C8orf34: variants seen among roughly 807,000 people sequenced by gnomAD.
The protein encoded by C8orf34 is uncharacterized protein C8orf34.
A neutral mutation model predicts 68.3 loss-of-function variants in C8orf34; 65 were observed. The observed-to-expected ratio is 0.95, with a 90% CI of 0.78 to 1.17. The LOEUF is 1.17. C8orf34 is among the 50% of genes most tolerant of loss of function. C8orf34 has a pLI of 0.00. For missense variants in C8orf34, 664 were observed against 655.4 expected, an observed-to-expected ratio of 1.01 and a Z score of -0.14; for synonymous variants, 244 against 241.2, an observed-to-expected ratio of 1.01 and a Z score of -0.11.
At chr8:68,762,079 A>T (rs1823040083) in intron 10 of C8orf34, among the ~76,000 whole-genome samples, 1 of 152,172 alleles carries the variant, frequency 6.6e-6, no homozygotes, top group African/African-American at 2.4e-5. Flanking sequence ...GCATAATTGC[A>T]TGTGGTGGCC....
intron 1 of C8orf34, among the ~76,000 whole-genome samples, chr8:68,369,864 G>A (rs1190964101): frequency 6.6e-6 from 1 of 152,200 alleles, no homozygotes; most frequent in African/African-American, 2.4e-5. Flanking sequence ...ATCTACTGGA[G>A]CATAAGGGTT....
At chr8:68,395,100 A>T (rs1808638035) in intron 1 of C8orf34, among the ~76,000 whole-genome samples, 1 of 152,202 alleles carries the variant, frequency 6.6e-6, no homozygotes, top group Middle Eastern at 3.4e-3. Context: ...ACATTCCTAA[A>T]TGTCAAATAT....
In C8orf34 at chr8:68,471,230, T is replaced by A. The variant is rs548078041; in HGVS notation, c.736+2410T>A. Among the ~76,000 whole-genome samples the A allele has an allele frequency of 3.3e-5, 5 of 152,254 alleles. No homozygotes were observed. The South Asian group carries it at 1.0e-3, about 32-fold the overall frequency. On this transcript the variant is annotated intron_variant, in intron 4 of 13. Transcript: ENST00000518698. ...TTTTAGGGTATTCTGGTGGGATTTA[T>A]GTGAGTTAAGAGGATGGTTGGTTAC...
chr8:68,706,172 G>A (rs1821159083), intron 8 of C8orf34, among the ~76,000 whole-genome samples: 1 of 152,174 alleles, frequency 6.6e-6, no homozygotes, highest in Admixed American at 6.5e-5. Context: ...TGATTTTCTC[G>A]ATTATTGTTC....
At position 68,794,476 on chromosome 8, in the gene C8orf34, A is replaced by AATATATATATATATATATATATATATAT. The variant is rs1563673874; in HGVS notation, c.1549+6945_1549+6946insTATATATATATATATATATATATATATA. Among the ~76,000 whole-genome samples, 4 of 111,640 alleles carry AATATATATATATATATATATATATATAT rather than the reference A, an allele frequency of 3.6e-5. 1 individual carries two copies. Among genetic ancestry groups the AATATATATATATATATATATATATATAT allele is most frequent in the African/African-American group, 1.9e-4 (4 of 21,092 alleles). The allele number at this position is 111,640 out of a possible 152,430, so 73.2% of individuals were successfully genotyped here. A position where few individuals can be genotyped will look rare whatever the true frequency, so the allele number is the denominator to read the frequency against. ...CATGAATCATTGTGCCCAGTATATA[A>AATATATATATATATATATATATATATAT]ATATAAATATATATATATATATATA... On this transcript the variant is annotated intron_variant, in intron 12 of 13. Coordinates refer to ENST00000518698, the MANE Select transcript of C8orf34 (RefSeq NM_052958.4).
chr8:68,395,027 G>A (rs965764358), intron 1 of C8orf34, among the ~76,000 whole-genome samples: 4 of 152,006 alleles, frequency 2.6e-5, no homozygotes, highest in African/African-American at 9.7e-5. Context: ...GGCAGCTTTG[G>A]AAGGAATTTA....
chr8:68,447,869 G>C (rs771466838), intron 3 of C8orf34: 1 of 152,062 alleles, frequency 6.6e-6, no homozygotes, highest in Non-Finnish European at 1.5e-5. Context: ...ATAGAATTAG[G>C]TCCCAACATT....
rs573073541 is a variant in C8orf34 at position 68,776,938 on chromosome 8, G to A, written c.1455+489G>A. Among the ~76,000 whole-genome samples, 67 of 152,186 alleles carry A rather than the reference G, an allele frequency of 4.4e-4. 1 individual carries two copies. The highest frequency in any genetic ancestry group is 7.9e-4 in the Non-Finnish European group (54 of 68,040). ...GTAGATTTCACTTGGAAACTTTTTA[G>A]ACTTCTAGATTTATTATTTTTGGAG... is the stretch of plus-strand genomic sequence containing the variant. On this transcript the variant is annotated intron_variant, in intron 11 of 13. Coordinates refer to ENST00000518698, the MANE Select transcript of C8orf34 (RefSeq NM_052958.4).
chr8:68,650,290 G>A (rs1453738675), intron 8 of C8orf34, among the ~76,000 whole-genome samples: 2 of 152,028 alleles, frequency 1.3e-5, no homozygotes, highest in Non-Finnish European at 2.9e-5. Flanking sequence ...ACAAGCAAAA[G>A]GAAGAGGAGA....
intron 10 of C8orf34, among the ~76,000 whole-genome samples, chr8:68,766,958 C>T (rs749523580): frequency 7.2e-5 from 11 of 152,154 alleles, no homozygotes; most frequent in African/African-American, 1.7e-4. Flanking sequence ...CTGAGGTGTG[C>T]GGATGACCTG....
At chr8:68,345,258 A>G (rs1806232604) in intron 1 of C8orf34, among the ~76,000 whole-genome samples, 2 of 151,986 alleles carry the variant, frequency 1.3e-5, no homozygotes, top group Admixed American at 1.3e-4. Flanking sequence ...CAATGAGACA[A>G]TTGATATTGC....
At chr8:68,416,729 C>G (rs1441077467) in intron 1 of C8orf34, among the ~76,000 whole-genome samples, 1 of 151,966 alleles carries the variant, frequency 6.6e-6, no homozygotes, top group Middle Eastern at 3.2e-3. Context: ...TGGGGTTTCA[C>G]CATGTTGGCC....
chr8:68,724,268 A>T (rs189455354), intron 10 of C8orf34, among the ~76,000 whole-genome samples: 14 of 152,320 alleles, frequency 9.2e-5, no homozygotes, highest in East Asian at 1.9e-4. Flanking sequence ...ATTATGAAGA[A>T]TTGGAACAAA....
intron 7 of C8orf34, among the ~76,000 whole-genome samples, chr8:68,582,624 G>A (rs1331175748): frequency 6.6e-6 from 1 of 152,004 alleles, no homozygotes; most frequent in Non-Finnish European, 1.5e-5. Context: ...CTGCTTCCAA[G>A]GCCCTTCCAA....
chr8:68,428,552 AGTCT>A (rs1410447893), intron 1 of C8orf34, among the ~76,000 whole-genome samples: 2 of 152,110 alleles, frequency 1.3e-5, no homozygotes, highest in Admixed American at 6.6e-5. Context: ...AATATTAAAG[AGTCT>A]GTCTGACTTT....
intron 8 of C8orf34, among the ~76,000 whole-genome samples, chr8:68,649,372 A>C (rs1819275698): frequency 6.6e-6 from 1 of 152,244 alleles, no homozygotes; most frequent in Non-Finnish European, 1.5e-5. Context: ...ACCAGCTAGA[A>C]TCAGACATGC....
intron 8 of C8orf34, among the ~76,000 whole-genome samples, chr8:68,681,577 A>G: frequency 6.6e-6 from 1 of 152,222 alleles, no homozygotes; most frequent in Non-Finnish European, 1.5e-5. Context: ...GTAAATTGGT[A>G]CAACCACTAT....
chr8:68,727,525 TG>T (rs545496771), intron 10 of C8orf34, among the ~76,000 whole-genome samples: 2 of 152,216 alleles, frequency 1.3e-5, no homozygotes, highest in South Asian at 4.1e-4. Context: ...GGACTCTGTG[TG>T]GGGGCTCCAC....
At chr8:68,809,666 C>T (rs1412624325) in intron 12 of C8orf34, among the ~76,000 whole-genome samples, 1 of 152,166 alleles carries the variant, frequency 6.6e-6, no homozygotes, top group East Asian at 1.9e-4. Context: ...AATGGGGGAC[C>T]CAGTGTTATA....
Sources: allele counts gnomAD v4.1 joint callset (sites outside exome capture counted in the v4.1 genomes callset), GRCh38; gene constraint gnomAD v4.1.1; transcripts MANE v1.5; gene names NCBI Gene and HGNC (gene_info 2026-07-23, HGNC 2026-07-21).